Variants in KLHDC4 observed in about 807,000 individuals in gnomAD.
KLHDC4 encodes the protein kelch domain-containing protein 4.
A neutral mutation model predicts 62.4 loss-of-function variants in KLHDC4; 90 were observed. The ratio of observed to expected loss-of-function variants is 1.44; its 90% CI spans 1.22 to 1.72. The LOEUF (loss-of-function observed/expected upper bound fraction) is 1.72, where lower values mean the gene tolerates loss of function less well. Ranked by LOEUF, KLHDC4 falls within the 40% of genes most tolerant of loss-of-function variation. KLHDC4 has a pLI of 0.00. For missense variants in KLHDC4, 1,025 were observed against 699.7 expected, an observed-to-expected ratio of 1.47 and a Z score of -5.25; for synonymous variants, 386 against 284.4, an observed-to-expected ratio of 1.36 and a Z score of -3.59.
intron 6 of KLHDC4, chr16:87,729,471 C>T (rs956656122): frequency 6.6e-6 from 1 of 152,288 alleles, no homozygotes; most frequent in Non-Finnish European, 1.5e-5. Context: ...AGATGACCTT[C>T]ACCAGGGTTG....
chr16:87,718,784 G>A (rs371164292), intron 7 of KLHDC4, among the ~76,000 whole-genome samples: 9 of 151,236 alleles, frequency 6.0e-5, no homozygotes, highest in South Asian at 2.1e-4. Flanking sequence ...AGTGACGAGC[G>A]TCTCTGACCG....
At chr16:87,762,316 G>A (rs768141683) in intron 1 of KLHDC4, among the ~76,000 whole-genome samples, 1 of 152,178 alleles carries the variant, frequency 6.6e-6, no homozygotes, top group Non-Finnish European at 1.5e-5. Flanking sequence ...ACTTAGACAA[G>A]CCCGTTGTGA....
chr16:87,744,286 G>A (rs1441263408), intron 5 of KLHDC4, among the ~76,000 whole-genome samples: 1 of 152,194 alleles, frequency 6.6e-6, no homozygotes, highest in African/African-American at 2.4e-5. Context: ...ATGGTGGCGG[G>A]CATCTGTAAT....
At chr16:87,751,621 C>A (rs1375120240) in intron 4 of KLHDC4, among the ~76,000 whole-genome samples, 1 of 152,082 alleles carries the variant, frequency 6.6e-6, no homozygotes, top group Non-Finnish European at 1.5e-5. Flanking sequence ...CATAATCAGT[C>A]CCTAAAGCCA....
At position 87,758,689 on chromosome 16, in the gene KLHDC4, AT is replaced by A. The variant is rs2045397678; in HGVS notation, c.192-2213del. Among the ~76,000 whole-genome samples, 3 of 152,182 alleles carry A rather than the reference AT, an allele frequency of 2.0e-5. No individual in the cohort carries two copies. In the South Asian group the frequency reaches 6.2e-4, roughly 32 times the overall value. ...AATAGCTGATGAGCTTTAAAAAAAA[AT>A]CTCATCATGTTTTAAGAAAGTTTAC... On this transcript the variant is annotated intron_variant, in intron 2 of 11. Coordinates refer to ENST00000270583, the MANE Select transcript of KLHDC4 (RefSeq NM_017566.4).
intron 5 of KLHDC4, among the ~76,000 whole-genome samples, chr16:87,743,721 C>A (rs1567777874): frequency 1.3e-5 from 2 of 151,952 alleles, no homozygotes; most frequent in African/African-American, 4.8e-5. Context: ...GCCTGGGAGA[C>A]AGAGCGCGAC....
chr16:87,731,525 G>A (rs1391480119), intron 5 of KLHDC4, among the ~76,000 whole-genome samples: 3 of 152,006 alleles, frequency 2.0e-5, no homozygotes, highest in Non-Finnish European at 4.4e-5. Flanking sequence ...AGCGGTCAGG[G>A]AAACATATGC....
chr16:87,737,162 C>T (rs2041470913), intron 5 of KLHDC4, among the ~76,000 whole-genome samples: 2 of 146,848 alleles, frequency 1.4e-5, no homozygotes, highest in African/African-American at 5.0e-5. Flanking sequence ...AGTCAGGATA[C>T]CCAGGAAAGC....
intron 5 of KLHDC4, among the ~76,000 whole-genome samples, chr16:87,747,424 A>G (rs1365975536): frequency 3.9e-5 from 6 of 152,262 alleles, no homozygotes; most frequent in Admixed American, 2.0e-4. Context: ...GAAATACGTG[A>G]GCTTCAAGAT....
exon 1 of KLHDC4, chr16:87,698,634 G>T (rs1239041724): frequency 6.6e-6 from 1 of 152,272 alleles, no homozygotes; most frequent in South Asian, 2.1e-4. Context: ...AGAGGGCAAA[G>T]CCACTTCCCT....
chr16:87,736,619 G>C lies in KLHDC4; in HGVS notation c.507-5975C>G, dbSNP rs973793354. 2.6e-5 allele frequency among the ~76,000 whole-genome samples: 4 copies of C among 152,194 alleles called. No homozygotes were observed. The East Asian group carries it at 7.7e-4, about 29-fold the overall frequency. On this transcript the variant is annotated intron_variant, in intron 5 of 11. Coordinates refer to ENST00000270583, the MANE Select transcript of KLHDC4 (RefSeq NM_017566.4). ...ATCAAATAACAAATGATAGTGTAAA[G>C]ACAGGGCACTTAATCACGTTATGTG...
chr16:87,723,240 C>T (rs144905230), intron 7 of KLHDC4, among the ~76,000 whole-genome samples: 1 of 152,346 alleles, frequency 6.6e-6, no homozygotes, highest in African/African-American at 2.4e-5. Context: ...TCAAATCTCT[C>T]GCTAATTCTG....
At chr16:87,714,354 GAAAT>G in intron 8 of KLHDC4, 140 bp downstream of exon 8, 1 of 139,320 alleles carries the variant, frequency 7.2e-6, no homozygotes, top group Non-Finnish European at 1.1e-5. Context: ...GGCCCACCCC[GAAAT>G]GAGCCATCTC....
chr16:87,719,670 TA>T (rs771590646), intron 7 of KLHDC4, among the ~76,000 whole-genome samples: 97 of 132,030 alleles, frequency 7.3e-4, no homozygotes, highest in Middle Eastern at 3.6e-3. Flanking sequence ...CAATAAATAC[TA>T]AAAAAAAAAA....
downstream of KLHDC4, among the ~76,000 whole-genome samples, chr16:87,703,770 A>G (rs897599605): frequency 1.3e-5 from 2 of 152,218 alleles, no homozygotes; most frequent in Non-Finnish European, 2.9e-5. Context: ...GCCCTTGGCC[A>G]TGACAGTGTG....
intron 5 of KLHDC4, among the ~76,000 whole-genome samples, chr16:87,743,822 T>C (rs971231523): frequency 2.0e-5 from 3 of 152,186 alleles, no homozygotes; most frequent in Admixed American, 6.5e-5. Flanking sequence ...TTGACACTCT[T>C]ACCACCATAG....
chr16:87,744,754 T>C (rs943889221), intron 5 of KLHDC4, among the ~76,000 whole-genome samples: 1 of 152,172 alleles, frequency 6.6e-6, no homozygotes, highest in South Asian at 2.1e-4. Flanking sequence ...AAAAGATCAA[T>C]GAATCAGAAA....
At chr16:87,753,429 C>T (rs975618912) in intron 4 of KLHDC4, among the ~76,000 whole-genome samples, 7 of 139,926 alleles carry the variant, frequency 5.0e-5, no homozygotes, top group South Asian at 2.7e-4. Flanking sequence ...CTAGAGAGAG[C>T]GTCAAAGATC....
At chr16:87,734,957 C>T (rs1321650497) in intron 5 of KLHDC4, among the ~76,000 whole-genome samples, 1 of 59,330 alleles carries the variant, frequency 1.7e-5, no homozygotes, top group Non-Finnish European at 4.3e-5. Context: ...CCACTCCTGA[C>T]GAATTGCCTG....
Sources: allele counts gnomAD v4.1 joint callset (sites outside exome capture counted in the v4.1 genomes callset), GRCh38; gene constraint gnomAD v4.1.1; transcripts MANE v1.5; gene names NCBI Gene and HGNC (gene_info 2026-07-23, HGNC 2026-07-21).